CTNNA2: variants seen among roughly 807,000 people sequenced by gnomAD.
CTNNA2 encodes the protein catenin alpha-2.
A neutral mutation model predicts 101.0 loss-of-function variants in CTNNA2; 42 were observed. The ratio of observed to expected loss-of-function variants is 0.42; its 90% confidence interval spans 0.32 to 0.54. CTNNA2 has a LOEUF of 0.54. CTNNA2 is among the 20% of genes least tolerant of loss of function. The probability of loss-of-function intolerance (pLI) is 0.14; values close to 1 mark genes in which losing one functional copy is unlikely to be tolerated. For synonymous variants in CTNNA2, 450 were observed against 456.4 expected (o/e 0.99, Z 0.18); for missense variants, 871 against 1,223.1 (o/e 0.71, Z 4.29).
At chr2:79,743,857 A>G (rs750496116) in intron 2 of CTNNA2, among the ~76,000 whole-genome samples, 7 of 152,162 alleles carry the variant, frequency 4.6e-5, no homozygotes, top group Non-Finnish European at 1.0e-4. Context: ...TTATTTGTAT[A>G]AGATAAAATT....
chr2:79,480,990 GT>G (rs562479779), intron 4 of CTNNA2, among the ~76,000 whole-genome samples: 2 of 150,994 alleles, frequency 1.3e-5, no homozygotes, highest in Middle Eastern at 3.5e-3. Context: ...CCTTAGTAGG[GT>G]TTTTTTTAAA....
intron 4 of CTNNA2, among the ~76,000 whole-genome samples, chr2:79,404,485 G>A (rs1418009794): frequency 1.3e-5 from 2 of 151,992 alleles, no homozygotes; most frequent in Non-Finnish European, 2.9e-5. Flanking sequence ...CAAATTTCAT[G>A]CATGGACACT....
intron 7 of CTNNA2, among the ~76,000 whole-genome samples, chr2:80,046,990 C>CTCTA (rs1696573201): frequency 6.6e-6 from 1 of 152,104 alleles, no homozygotes; most frequent in Admixed American, 6.5e-5. Context: ...CTTCCCTGAC[C>CTCTA]TCTACCCTCT....
Position 80,349,372 on chromosome 2 carries a change from T to A in CTNNA2, c.1057-43839T>A, listed in dbSNP as rs183847551. On this transcript the variant is annotated intron_variant, in intron 7 of 18. Coordinates refer to ENST00000402739, the MANE Select transcript of CTNNA2 (RefSeq NM_001282597.3). ...AAGGCAGCTTTGTTGATTTGTTGAT[T>A]CGTTTGTGTATTGGGGATGGGTATA... Among the ~76,000 whole-genome samples the A allele has an allele frequency of 7.0e-4, 106 of 152,264 alleles. 2 individuals are homozygous for A. The highest frequency in any genetic ancestry group is 5.9e-3 in the Admixed American group (90 of 15,276).
intron 2 of CTNNA2, among the ~76,000 whole-genome samples, chr2:79,227,114 A>T (rs1234290545): frequency 6.6e-6 from 1 of 152,134 alleles, no homozygotes; most frequent in Non-Finnish European, 1.5e-5. Flanking sequence ...AGCCCTTCAT[A>T]CCTCAGAGTA....
intron 2 of CTNNA2, among the ~76,000 whole-genome samples, chr2:79,673,803 T>C (rs1683009897): frequency 1.3e-5 from 2 of 152,202 alleles, no homozygotes; most frequent in African/African-American, 4.8e-5. Context: ...TTCTTTAATG[T>C]CTGCTTTCCT....
intron 2 of CTNNA2, among the ~76,000 whole-genome samples, chr2:79,255,052 GA>G (rs1414541993): frequency 6.6e-6 from 1 of 152,162 alleles, no homozygotes. Flanking sequence ...AAATGCATTA[GA>G]AATAAACTTC....
At chr2:79,223,075 G>A (rs1674365518) in intron 2 of CTNNA2, among the ~76,000 whole-genome samples, 1 of 152,176 alleles carries the variant, frequency 6.6e-6, no homozygotes, top group Non-Finnish European at 1.5e-5. Flanking sequence ...CAAGAGAACT[G>A]CTTGAGCCCA....
At chr2:80,422,197 A>G (rs745744531) in intron 9 of CTNNA2, among the ~76,000 whole-genome samples, 2 of 152,198 alleles carry the variant, frequency 1.3e-5, no homozygotes, top group Non-Finnish European at 2.9e-5. Context: ...GGAAAGACAC[A>G]TCTTACATGG....
chr2:79,739,489 G>A (rs963948553), intron 2 of CTNNA2, among the ~76,000 whole-genome samples: 3 of 152,042 alleles, frequency 2.0e-5, no homozygotes, highest in Non-Finnish European at 4.4e-5. Flanking sequence ...TCTCTGTCAA[G>A]CTCTTTCATT....
intron 8 of CTNNA2, among the ~76,000 whole-genome samples, chr2:80,396,755 T>C (rs1166019080): frequency 6.6e-6 from 1 of 152,236 alleles, no homozygotes; most frequent in Non-Finnish European, 1.5e-5. Context: ...TAATAAATAA[T>C]ATCTATGACA....
At position 79,603,924 on chromosome 2, in the gene CTNNA2, G is replaced by A. The variant is rs1233471879; in HGVS notation, c.-5-47628G>A. On this transcript the variant is annotated intron_variant, in intron 1 of 18. Coordinates refer to ENST00000402739, the MANE Select transcript of CTNNA2 (RefSeq NM_001282597.3). The stretch of plus-strand genomic sequence containing the variant: ...CATTGGTTAAATGGTGAGGTCATGT[G>A]TGGGCATGAAAGCTCCATAGCCTGA... 2.6e-5 allele frequency among the ~76,000 whole-genome samples: 4 copies of A among 152,162 alleles called. No homozygotes were observed. The East Asian group carries it at 7.7e-4, about 29-fold the overall frequency.
In CTNNA2 at chr2:80,226,453, C is replaced by T. The variant is rs1001862263; in HGVS notation, c.1057-166758C>T. Among the ~76,000 whole-genome samples the T allele has an allele frequency of 7.9e-5, 12 of 152,206 alleles. No homozygotes were observed. In the South Asian group the frequency reaches 1.0e-3, roughly 13 times the overall value. ...TGTTTGTTCGTGGCAGGTGCCACAT[C>T]GGCACAGGTGACTTAGAGTGTCACT... On this transcript the variant is annotated intron_variant, in intron 7 of 18. Transcript: ENST00000402739.
At chr2:79,664,933 G>A (rs1036475705) in intron 2 of CTNNA2, among the ~76,000 whole-genome samples, 4 of 151,942 alleles carry the variant, frequency 2.6e-5, no homozygotes, top group African/African-American at 9.7e-5. Context: ...AGATGGTCTC[G>A]ATCTCCTGAC....
chr2:80,149,089 G>A (rs532128196), intron 7 of CTNNA2, among the ~76,000 whole-genome samples: 30 of 148,000 alleles, frequency 2.0e-4, no homozygotes, highest in Non-Finnish European at 3.6e-4. Context: ...GTGCAGTGGC[G>A]TGATTTGATC....
chr2:80,313,277 A>ATTT (rs1677775123), intron 7 of CTNNA2: 1 of 772,848 alleles, frequency 1.3e-6, no homozygotes, highest in Non-Finnish European at 1.7e-6. Context: ...TCAATCTCTG[A>ATTT]CAAGAATCTT....
intron 2 of CTNNA2, among the ~76,000 whole-genome samples, chr2:79,666,875 C>T (rs1682457155): frequency 6.6e-6 from 1 of 152,074 alleles, no homozygotes; most frequent in Non-Finnish European, 1.5e-5. Context: ...CCTGTCTTCT[C>T]CTGGAGACAG....
At chr2:79,747,220 T>C (rs1671706481) in intron 3 of CTNNA2, among the ~76,000 whole-genome samples, 1 of 142,500 alleles carries the variant, frequency 7.0e-6, no homozygotes, top group African/African-American at 2.7e-5. Flanking sequence ...TATTTGTGTA[T>C]GTGTTTTGGC....
intron 2 of CTNNA2, among the ~76,000 whole-genome samples, chr2:79,719,435 G>A (rs1489721609): frequency 6.6e-6 from 1 of 151,914 alleles, no homozygotes; most frequent in East Asian, 1.9e-4. Flanking sequence ...AACCAGTAAT[G>A]GGGTTGCTCT....
Sources: allele counts gnomAD v4.1 joint callset (sites outside exome capture counted in the v4.1 genomes callset), GRCh38; gene constraint gnomAD v4.1.1; transcripts MANE v1.5; gene names NCBI Gene and HGNC (gene_info 2026-07-23, HGNC 2026-07-21).